The following TAB2 variants were observed in gnomAD, a reference collection of about 807,000 sequenced individuals.
TAB2 encodes the protein TGF-beta activated kinase 1 (MAP3K7) binding protein 2, also known as TGF-beta-activated kinase 1 and MAP3K7-binding protein 2.
TAB2 carries 3 observed loss-of-function variants against 65.0 expected under a neutral mutation model. The ratio of observed to expected loss-of-function variants is 0.05; its 90% CI spans 0.02 to 0.12. The LOEUF (loss-of-function observed/expected upper bound fraction) is 0.12. TAB2 is among the 10% of genes least tolerant of loss of function. The pLI, the probability that TAB2 is intolerant of heterozygous loss-of-function variation, is 1.00. For missense variants in TAB2, 623 were observed against 840.3 expected (o/e 0.74, Z 3.20); for synonymous variants, 298 against 285.1 (o/e 1.05, Z -0.46).
chr6:149,402,588 C>G (rs1782470040), intron 6 of TAB2, among the ~76,000 whole-genome samples: 1 of 152,166 alleles, frequency 6.6e-6, no homozygotes, highest in African/African-American at 2.4e-5. Flanking sequence ...ATCTTAAGCT[C>G]TTCCAAAAAT....
intron 1 of TAB2, among the ~76,000 whole-genome samples, chr6:149,325,873 G>A (rs1042616641): frequency 6.6e-6 from 1 of 152,136 alleles, no homozygotes; most frequent in African/African-American, 2.4e-5. Flanking sequence ...CCAAGTAGCT[G>A]GGATTACAGA....
intron 1 of TAB2, among the ~76,000 whole-genome samples, chr6:149,336,696 T>A (rs1377815567): frequency 6.6e-6 from 1 of 152,100 alleles, no homozygotes; most frequent in Non-Finnish European, 1.5e-5. Context: ...TAGTTAAGAT[T>A]TTGATAAGCC....
chr6:149,400,709 G>A (rs374134872), intron 6 of TAB2: 19 of 1,601,120 alleles, frequency 1.2e-5, no homozygotes, highest in Admixed American at 8.6e-5. Context: ...ACTCCAGAAC[G>A]CTGTTCTTTA....
chr6:149,283,715 AC>A (rs1778617536), intron 1 of TAB2, among the ~76,000 whole-genome samples: 1 of 152,162 alleles, frequency 6.6e-6, no homozygotes. Context: ...TGTCTAAAAA[AC>A]AAAACAAACA....
intron 6 of TAB2, among the ~76,000 whole-genome samples, chr6:149,407,374 C>G (rs1478985560): frequency 1.3e-5 from 2 of 152,092 alleles, no homozygotes; most frequent in Non-Finnish European, 2.9e-5. Flanking sequence ...TAATAATAAT[C>G]TGTTATTTCA....
chr6:149,355,528 G>A (rs1037905068), intron 1 of TAB2, among the ~76,000 whole-genome samples: 8 of 151,908 alleles, frequency 5.3e-5, no homozygotes, highest in Middle Eastern at 3.2e-3. Flanking sequence ...TTAGCCGGGC[G>A]TGGTGGCAGG....
At chr6:149,338,062 C>T (rs1008440764) in intron 1 of TAB2, among the ~76,000 whole-genome samples, 1 of 152,142 alleles carries the variant, frequency 6.6e-6, no homozygotes, top group Admixed American at 6.5e-5. Flanking sequence ...CTGAGGCCAG[C>T]TGTGTTTTGG....
chr6:149,226,438 A>G (rs1433896357), intron 1 of TAB2, among the ~76,000 whole-genome samples: 1 of 152,158 alleles, frequency 6.6e-6, no homozygotes, highest in African/African-American at 2.4e-5. Flanking sequence ...TCCAATCCCT[A>G]TTCCGTGGTC....
chr6:149,292,244 G>C (rs894170169), intron 1 of TAB2, among the ~76,000 whole-genome samples: 1 of 152,160 alleles, frequency 6.6e-6, no homozygotes, highest in Non-Finnish European at 1.5e-5. Flanking sequence ...GCTCTGTAAA[G>C]AGTAAATGGT....
intron 1 of TAB2, among the ~76,000 whole-genome samples, chr6:149,318,276 G>GC (rs909297035): frequency 4.6e-5 from 7 of 151,770 alleles, no homozygotes; most frequent in Non-Finnish European, 5.9e-5. Context: ...GTCCGTGCGG[G>GC]GGGGGAGGGG....
At chr6:149,335,671 A>T (rs1035908007) in intron 1 of TAB2, among the ~76,000 whole-genome samples, 5 of 152,064 alleles carry the variant, frequency 3.3e-5, no homozygotes, top group Non-Finnish European at 7.4e-5. Flanking sequence ...ACTATACCTG[A>T]CCTAGTTTTT....
chr6:149,249,008 A>C (rs1229911252), intron 1 of TAB2, among the ~76,000 whole-genome samples: 2 of 151,990 alleles, frequency 1.3e-5, no homozygotes, highest in Non-Finnish European at 2.9e-5. Context: ...GTGATGGTGG[A>C]CACAGCCATG....
At chr6:149,339,475 C>T (rs1187766513) in intron 1 of TAB2, among the ~76,000 whole-genome samples, 1 of 152,174 alleles carries the variant, frequency 6.6e-6, no homozygotes, top group African/African-American at 2.4e-5. Flanking sequence ...TTTTTAAATC[C>T]ACTTTAATAA....
intron 1 of TAB2, among the ~76,000 whole-genome samples, chr6:149,252,024 T>G (rs1777873113): frequency 6.6e-6 from 1 of 152,244 alleles, no homozygotes; most frequent in African/African-American, 2.4e-5. Flanking sequence ...AAGGATATTT[T>G]CTTGAGATTA....
intron 6 of TAB2, among the ~76,000 whole-genome samples, chr6:149,399,427 C>G (rs1782289792): frequency 6.6e-6 from 1 of 152,168 alleles, no homozygotes; most frequent in Admixed American, 6.5e-5. Context: ...TATGTACTCC[C>G]AACCAATAAT....
chr6:149,280,793 C>G (rs1778558925), intron 1 of TAB2, among the ~76,000 whole-genome samples: 1 of 151,836 alleles, frequency 6.6e-6, no homozygotes, highest in African/African-American at 2.4e-5. Context: ...TTAGTCAGGC[C>G]TGGTGGCATG....
intron 1 of TAB2, among the ~76,000 whole-genome samples, chr6:149,276,385 A>G (rs1365407220): frequency 3.3e-5 from 5 of 152,224 alleles, no homozygotes; most frequent in African/African-American, 1.2e-4. Context: ...TCCAGGAGAT[A>G]TTAATGTGCT....
At chr6:149,223,396 C>T (rs563225793) in intron 1 of TAB2, among the ~76,000 whole-genome samples, 3 of 152,334 alleles carry the variant, frequency 2.0e-5, no homozygotes, top group South Asian at 2.1e-4. Flanking sequence ...TTCTAAGACT[C>T]GTCCAGCTCT....
intron 1 of TAB2, among the ~76,000 whole-genome samples, chr6:149,280,153 C>T (rs1190748550): frequency 6.6e-6 from 1 of 152,198 alleles, no homozygotes; most frequent in Non-Finnish European, 1.5e-5. Context: ...GGAATTCCCA[C>T]TTTGGATTCC....
Sources: gnomAD v4.1 joint callset for allele counts (sites outside exome capture counted in the v4.1 genomes callset) on GRCh38, gnomAD v4.1.1 for gene constraint, MANE v1.5 for transcripts, NCBI Gene and HGNC (gene_info 2026-07-23, HGNC 2026-07-21) for gene names.